TTC39B: variants seen among roughly 807,000 people sequenced by gnomAD.
The protein encoded by TTC39B is tetratricopeptide repeat domain 39B, also known as tetratricopeptide repeat protein 39B.
Under a neutral mutation model 96.6 loss-of-function variants are expected in TTC39B, and 92 were observed. The ratio of observed to expected loss-of-function variants is 0.95; its 90% CI spans 0.80 to 1.13. The LOEUF is 1.13. Ranked by LOEUF, TTC39B falls within the 50% of genes most tolerant of loss-of-function variation. The probability of loss-of-function intolerance (pLI) is 0.00; values close to 1 mark genes in which losing one functional copy is unlikely to be tolerated. For synonymous variants in TTC39B, 367 were observed against 299.4 expected (o/e 1.23, Z -2.33); for missense variants, 955 against 809.3 (o/e 1.18, Z -2.18).
chr9:15,193,663 T>A (rs1818988230), intron 8 of TTC39B, among the ~76,000 whole-genome samples: 1 of 152,216 alleles, frequency 6.6e-6, no homozygotes, highest in Non-Finnish European at 1.5e-5. Context: ...AAATGATGAA[T>A]GTTTATTTGG....
chr9:15,254,138 G>T (rs1394554776), intron 2 of TTC39B, among the ~76,000 whole-genome samples: 1 of 151,494 alleles, frequency 6.6e-6, no homozygotes, highest in Non-Finnish European at 1.5e-5. Flanking sequence ...TAAACCTGGG[G>T]TGTCTATAAA....
Position 15,240,375 on chromosome 9 carries a change from A to G in TTC39B, c.276-14363T>C, listed in dbSNP as rs939114336. 2.7e-4 allele frequency among the ~76,000 whole-genome samples: 41 copies of G among 152,268 alleles called. 1 individual carries two copies. Among genetic ancestry groups the G allele is most frequent in the Non-Finnish European group, 5.9e-5 (4 of 68,048 alleles). On this transcript the variant is annotated intron_variant, in intron 2 of 19. Coordinates refer to ENST00000512701, the Ensembl canonical transcript of TTC39B. ...CGAGAAACTGGCGAATAGATAAACTAGATAAACTTCTCCCTAAATAATCTA... is the reference window on the plus strand; with the variant it reads ...CGAGAAACTGGCGAATAGATAAACTGGATAAACTTCTCCCTAAATAATCTA...
chr9:15,168,187 C>T (rs1313404239), exon 20 of TTC39B: 1 of 152,156 alleles, frequency 6.6e-6, no homozygotes, highest in Non-Finnish European at 1.5e-5. Flanking sequence ...GTAAGCCATT[C>T]CGGGTGCTCC....
At chr9:15,289,116 G>T (rs1824086294) in intron 1 of TTC39B, among the ~76,000 whole-genome samples, 1 of 152,188 alleles carries the variant, frequency 6.6e-6, no homozygotes, top group African/African-American at 2.4e-5. Context: ...TATAAGTGAG[G>T]AAACTGTGGC....
intron 14 of TTC39B, 138 bp downstream of exon 14, chr9:15,187,833 G>T: frequency 1.1e-6 from 1 of 876,330 alleles, no homozygotes; most frequent in Non-Finnish European, 1.6e-6. Flanking sequence ...GGTACTTAAG[G>T]CACATTTCCT....
At chr9:15,232,073 C>G (rs1462711902) in intron 2 of TTC39B, among the ~76,000 whole-genome samples, 1 of 152,118 alleles carries the variant, frequency 6.6e-6, no homozygotes, top group Non-Finnish European at 1.5e-5. Flanking sequence ...GCTATGTCCC[C>G]CCTCCCCAAC....
chr9:15,290,637 T>G (rs1307728312), intron 1 of TTC39B, among the ~76,000 whole-genome samples: 1 of 152,264 alleles, frequency 6.6e-6, no homozygotes, highest in Non-Finnish European at 1.5e-5. Flanking sequence ...AATGCAGATT[T>G]AAAATGCAGA....
chr9:15,204,958 A>G (rs1286114973), intron 6 of TTC39B, among the ~76,000 whole-genome samples: 2 of 152,212 alleles, frequency 1.3e-5, no homozygotes, highest in Non-Finnish European at 2.9e-5. Flanking sequence ...TTCCATACAC[A>G]AGTCAGCAGA....
rs1586911550 is a variant in TTC39B at position 15,225,336 on chromosome 9, A to G, written c.371+581T>C. Among the ~76,000 whole-genome samples the G allele has an allele frequency of 2.6e-5, 4 of 152,198 alleles. No individual in the cohort carries two copies. The South Asian group carries it at 8.3e-4, about 32-fold the overall frequency. On this transcript the variant is annotated intron_variant, in intron 3 of 19. Coordinates refer to ENST00000512701, the Ensembl canonical transcript of TTC39B. ...AATAATCAGGATTATAGTAATACAT[A>G]TTTCATTCTCTTTGTGCTTTCTATA...
chr9:15,246,473 A>G (rs781726126), intron 2 of TTC39B, among the ~76,000 whole-genome samples: 5 of 152,184 alleles, frequency 3.3e-5, no homozygotes, highest in Admixed American at 1.3e-4. Context: ...CAAGTGTGGT[A>G]GATTATAAAC....
chr9:15,258,919 T>G (rs981318355), intron 2 of TTC39B, among the ~76,000 whole-genome samples: 7 of 152,164 alleles, frequency 4.6e-5, no homozygotes, highest in Admixed American at 1.3e-4. Context: ...ATCTATATCT[T>G]AAAACGTGTA....
At chr9:15,183,964 G>A (rs1427834138) in intron 16 of TTC39B, among the ~76,000 whole-genome samples, 1 of 152,150 alleles carries the variant, frequency 6.6e-6, no homozygotes, top group African/African-American at 2.4e-5. Context: ...GCTAGGCGCA[G>A]GCTAACTCCT....
At chr9:15,166,854 T>A (rs890906480) in exon 20 of TTC39B, 3 of 150,548 alleles carry the variant, frequency 2.0e-5, no homozygotes, top group Non-Finnish European at 3.0e-5. Context: ...GATACATGTA[T>A]CTTATGAAGA....
At position 15,192,528 on chromosome 9, in the gene TTC39B, A is replaced by C. The variant is rs1026762483; in HGVS notation, c.930+62T>G. On this transcript the variant is annotated intron_variant, in intron 9 of 19. Coordinates refer to ENST00000512701, the Ensembl canonical transcript of TTC39B. ...GGATGAGGTTCAAATGCAGTGGAGA[A>C]GGCACAGAAAACCTTAGGTTCTTCT... 4.0e-5 allele frequency: 51 copies of C among 1,285,134 alleles called. 1 individual carries two copies. The highest frequency in any genetic ancestry group is 5.5e-5 in the Non-Finnish European group (49 of 888,572). 79.6% of individuals were successfully genotyped at this position (1,285,134 alleles called of 1,614,324 possible). A position where few individuals can be genotyped will look rare whatever the true frequency, so the allele number is the denominator to read the frequency against.
intron 2 of TTC39B, chr9:15,249,043 G>C (rs1018805227): frequency 6.6e-6 from 1 of 152,096 alleles, no homozygotes; most frequent in Non-Finnish European, 1.5e-5. Flanking sequence ...ATATGAATCT[G>C]TTCAATAATA....
rs186989159 is a variant in TTC39B at position 15,185,333 on chromosome 9, G to C, written c.1561C>G (p.Arg521Gly). Residue 521 changes from arginine to glycine, a missense_variant, in exon 16 of 20, where the codon CGG becomes GGG. Arg to Gly is a moderately radical substitution (Grantham distance 125, BLOSUM62 -2). Transcript: ENST00000512701. ...GCAGGTAAGGAGGCGGAGTAACGCC[G>C]AGCCTTCCTCACAGCAAACTTCTCA... The C allele has an allele frequency of 3.3e-5, 54 of 1,613,804 alleles. No individual in the cohort carries two copies. The Admixed American group carries it at 8.3e-4, about 25-fold the overall frequency.
At chr9:15,257,673 C>T (rs1330353442) in intron 2 of TTC39B, among the ~76,000 whole-genome samples, 1 of 151,986 alleles carries the variant, frequency 6.6e-6, no homozygotes, top group African/African-American at 2.4e-5. Flanking sequence ...GTCTCAAACT[C>T]CTGGGCTCAA....
intron 2 of TTC39B, among the ~76,000 whole-genome samples, chr9:15,261,894 C>G (rs1822960177): frequency 6.6e-6 from 1 of 152,134 alleles, no homozygotes; most frequent in African/African-American, 2.4e-5. Context: ...AAAAGGGACA[C>G]TCCGTCATCA....
chr9:15,233,594 G>C (rs1398628274), intron 2 of TTC39B, among the ~76,000 whole-genome samples: 1 of 152,064 alleles, frequency 6.6e-6, no homozygotes, highest in African/African-American at 2.4e-5. Context: ...CTAACCGCCA[G>C]TGATCCGCCA....
Sources: allele counts gnomAD v4.1 joint callset (sites outside exome capture counted in the v4.1 genomes callset), GRCh38; gene constraint gnomAD v4.1.1; transcripts MANE v1.5; gene names NCBI Gene and HGNC (gene_info 2026-07-23, HGNC 2026-07-21).